The following CDKAL1 variants were observed in gnomAD, a reference collection of about 807,000 sequenced individuals.
CDKAL1 encodes the protein threonylcarbamoyladenosine tRNA methylthiotransferase.
CDKAL1 carries 32 observed loss-of-function variants against 68.2 expected under a neutral mutation model. The observed-to-expected ratio is 0.47, with a 90% CI of 0.35 to 0.63. The LOEUF is 0.63. Among genes scored for constraint, CDKAL1 ranks in the 30% least tolerant of loss-of-function variants. The pLI is 0.00. For synonymous variants in CDKAL1, 234 were observed against 244.3 expected (o/e 0.96, Z 0.39); for missense variants, 606 against 696.7 (o/e 0.87, Z 1.47).
chr6:21,153,448 A>C (rs78857023), intron 13 of CDKAL1, among the ~76,000 whole-genome samples: 1,599 of 152,300 alleles, frequency 0.01, 22 homozygotes, highest in African/African-American at 0.029. Context: ...CATCAATAGT[A>C]ATATTTTATC....
chr6:21,004,404 A>C (rs1767614267), intron 11 of CDKAL1, among the ~76,000 whole-genome samples: 1 of 152,226 alleles, frequency 6.6e-6, no homozygotes, highest in Non-Finnish European at 1.5e-5. Flanking sequence ...ATGTTGAGGC[A>C]TATGGGAATT....
chr6:20,686,623 C>T (rs113646515), intron 5 of CDKAL1, among the ~76,000 whole-genome samples: 2 of 152,234 alleles, frequency 1.3e-5, no homozygotes, highest in Non-Finnish European at 2.9e-5. Context: ...ATGTAATGCG[C>T]TTGAATCATT....
chr6:21,037,270 G>A (rs933699119), intron 11 of CDKAL1, among the ~76,000 whole-genome samples: 2 of 152,120 alleles, frequency 1.3e-5, no homozygotes, highest in African/African-American at 4.8e-5. Context: ...TTTACAGCAG[G>A]GGAATATGTG....
At chr6:21,183,978 G>C (rs987473235) in intron 13 of CDKAL1, among the ~76,000 whole-genome samples, 2 of 152,100 alleles carry the variant, frequency 1.3e-5, no homozygotes, top group African/African-American at 4.8e-5. Context: ...GGGGGTTGGA[G>C]GGGTAGGTTG....
At chr6:20,700,313 C>T (rs1167532680) in intron 5 of CDKAL1, among the ~76,000 whole-genome samples, 1 of 150,912 alleles carries the variant, frequency 6.6e-6, no homozygotes, top group Non-Finnish European at 1.5e-5. Context: ...TGAGATTGCA[C>T]CATTGCACTC....
chr6:20,774,952 A>G (rs1775108511), intron 7 of CDKAL1, among the ~76,000 whole-genome samples: 1 of 152,220 alleles, frequency 6.6e-6, no homozygotes, highest in Non-Finnish European at 1.5e-5. Context: ...CAACTCAGAG[A>G]GATGTTTATT....
intron 4 of CDKAL1, among the ~76,000 whole-genome samples, chr6:20,549,086 C>G (rs1161891072): frequency 1.3e-5 from 2 of 151,900 alleles, no homozygotes; most frequent in Non-Finnish European, 2.9e-5. Flanking sequence ...TTTTTCTGTC[C>G]CAAGATCTAA....
intron 15 of CDKAL1, among the ~76,000 whole-genome samples, chr6:21,228,738 A>G (rs937176222): frequency 1.3e-4 from 20 of 152,224 alleles, no homozygotes; most frequent in Non-Finnish European, 2.4e-4. Context: ...AGGAACTCAC[A>G]TAGTTCCTAT....
chr6:20,757,664 A>G (rs959084197), intron 6 of CDKAL1, among the ~76,000 whole-genome samples: 1 of 152,176 alleles, frequency 6.6e-6, no homozygotes, highest in African/African-American at 2.4e-5. Context: ...TGCTCATCAC[A>G]CTATTATTAG....
chr6:21,174,819 G>A (rs902213955), intron 13 of CDKAL1, among the ~76,000 whole-genome samples: 11 of 151,834 alleles, frequency 7.2e-5, no homozygotes, highest in Non-Finnish European at 1.3e-4. Context: ...TGCTCACCCC[G>A]TATCCAAAGA....
chr6:21,050,013 A>G (rs911788164), intron 11 of CDKAL1, among the ~76,000 whole-genome samples: 2 of 152,154 alleles, frequency 1.3e-5, no homozygotes, highest in Non-Finnish European at 2.9e-5. Context: ...TCCTTTACTT[A>G]TGTCATACAT....
chr6:21,133,718 T>G (rs2151023907), intron 13 of CDKAL1, among the ~76,000 whole-genome samples: 1 of 152,342 alleles, frequency 6.6e-6, no homozygotes, highest in African/African-American at 2.4e-5. Flanking sequence ...ACAGTCATAA[T>G]GTATGCAAGG....
chr6:20,991,476 CGTGGGTGGGTCATTTGAGGTCACGA>C (rs1025960087), intron 10 of CDKAL1, among the ~76,000 whole-genome samples: 1 of 151,710 alleles, frequency 6.6e-6, no homozygotes, highest in Non-Finnish European at 1.5e-5. Context: ...GGATGGCAGA[CGTGGGTGGGTCATTTGAGGTCACGA>C]GTTTGAGACC....
At chr6:20,568,951 G>A (rs778163062) in intron 4 of CDKAL1, among the ~76,000 whole-genome samples, 1 of 152,094 alleles carries the variant, frequency 6.6e-6, no homozygotes, top group Non-Finnish European at 1.5e-5. Context: ...TCATTAGACT[G>A]ATCTTGAGTA....
At chr6:20,853,028 T>C (rs1759102981) in intron 9 of CDKAL1, among the ~76,000 whole-genome samples, 1 of 152,222 alleles carries the variant, frequency 6.6e-6, no homozygotes, top group African/African-American at 2.4e-5. Flanking sequence ...TCTGCCCTTG[T>C]AGCATGAAAG....
chr6:21,157,459 G>A (rs1026937495), intron 13 of CDKAL1, among the ~76,000 whole-genome samples: 2 of 152,044 alleles, frequency 1.3e-5, no homozygotes, highest in African/African-American at 4.8e-5. Flanking sequence ...ACGAAAGATT[G>A]TCTTTTCTCA....
intron 10 of CDKAL1, among the ~76,000 whole-genome samples, chr6:20,956,042 T>C (rs1013631759): frequency 2.6e-5 from 4 of 152,208 alleles, no homozygotes; most frequent in Non-Finnish European, 5.9e-5. Context: ...CATCCCTTCA[T>C]CTGGAGATAC....
chr6:20,862,778 G>GCACT (rs1280043807), intron 9 of CDKAL1, among the ~76,000 whole-genome samples: 1 of 151,964 alleles, frequency 6.6e-6, no homozygotes, highest in African/African-American at 2.4e-5. Context: ...TGTAATCCCA[G>GCACT]CACTTTGGGA....
intron 6 of CDKAL1, among the ~76,000 whole-genome samples, chr6:20,751,501 C>T (rs1581507406): frequency 1.3e-5 from 2 of 152,330 alleles, no homozygotes; most frequent in South Asian, 4.1e-4. Context: ...ATAAACATTT[C>T]CATCATTGCA....
Sources: allele counts gnomAD v4.1 joint callset (sites outside exome capture counted in the v4.1 genomes callset), GRCh38; gene constraint gnomAD v4.1.1; transcripts MANE v1.5; gene names NCBI Gene and HGNC (gene_info 2026-07-23, HGNC 2026-07-21).